OPA1: variants seen among roughly 807,000 people sequenced by gnomAD.
OPA1 encodes OPA1 mitochondrial dynamin like GTPase.
In OPA1, 59 loss-of-function variants were observed where a neutral mutation model predicts 152.9. The ratio of observed to expected loss-of-function variants is 0.39; its 90% CI spans 0.31 to 0.48. The LOEUF (loss-of-function observed/expected upper bound fraction) is 0.48, where lower values mean the gene tolerates loss of function less well. OPA1 is among the 20% of genes least tolerant of loss of function. The probability of loss-of-function intolerance (pLI) is 0.96; values close to 1 mark genes in which losing one functional copy is unlikely to be tolerated. For synonymous variants in OPA1, 400 were observed against 389.9 expected, an observed-to-expected ratio of 1.03 and a Z score of -0.31; for missense variants, 1,008 against 1,216.8, an observed-to-expected ratio of 0.83 and a Z score of 2.55.
Position 193,626,110 on chromosome 3 carries a change from A to G in OPA1, c.697A>G (p.Ile233Val). ...GTGGCAGGGTCTGCTTGGTGAGCTC[A>G]TTCTCTTACAACAACAAATTCAAGA... Reference protein sequence around the residue: ...HFRKGLLGELILLQQQIQEHE... With the variant: ...HFRKGLLGELVLLQQQIQEHE... Residue 233 changes from isoleucine to valine, a missense_variant, in exon 7 of 31, where the codon ATT (isoleucine) becomes GTT (valine). Ile to Val is a conservative substitution (Grantham distance 29). Transcript: ENST00000361510. The G allele has an allele frequency of 6.2e-7, 1 of 1,613,958 alleles. No individual in the cohort carries two copies. Among genetic ancestry groups the G allele is most frequent in the Non-Finnish European group, 8.5e-7 (1 of 1,179,902 alleles).
chr3:193,621,181 G>C (rs942557586), intron 6 of OPA1, among the ~76,000 whole-genome samples: 2 of 152,184 alleles, frequency 1.3e-5, no homozygotes, highest in Non-Finnish European at 2.9e-5. Context: ...TTTTAAAAAA[G>C]TAATAATAAT....
chr3:193,666,424 ATT>A, intron 28 of OPA1, 35 bp downstream of exon 28: 1 of 1,459,916 alleles, frequency 6.8e-7, no homozygotes. Flanking sequence ...TTATTTTGAC[ATT>A]AAAAAATAAT....
chr3:193,610,608 T>G lies in OPA1; in HGVS notation c.33-4115T>G, dbSNP rs533915277. Among the ~76,000 whole-genome samples, 17 of 152,354 alleles carry G rather than the reference T, an allele frequency of 1.1e-4. No individual in the cohort carries two copies. The East Asian group carries it at 3.3e-3, about 29-fold the overall frequency. On this transcript the variant is annotated intron_variant, in intron 1 of 30. Coordinates refer to ENST00000361510, the MANE Select transcript of OPA1 (RefSeq NM_130837.3). The stretch of plus-strand genomic sequence containing the variant: ...GTCTGCAGAGGTTTCTGCTGCCTTT[T>G]GTTCGGCTATGCCCTGCCTGCAGAG...
At chr3:193,638,092 G>C in intron 11 of OPA1, 27 bp downstream of exon 11, 1 of 1,535,550 alleles carries the variant, frequency 6.5e-7, no homozygotes, top group South Asian at 1.1e-5. Flanking sequence ...TCTCAGTGAG[G>C]TTCCTTAGGA....
chr3:193,610,212 T>C (rs957810745), intron 1 of OPA1, among the ~76,000 whole-genome samples: 2 of 152,342 alleles, frequency 1.3e-5, no homozygotes, highest in South Asian at 4.1e-4. Flanking sequence ...AGATGGGTTT[T>C]TGGTGTGGAT....
intron 1 of OPA1, among the ~76,000 whole-genome samples, chr3:193,607,300 G>A (rs1323839034): frequency 6.6e-6 from 1 of 152,174 alleles, no homozygotes; most frequent in Non-Finnish European, 1.5e-5. Context: ...TTTGGCTTTT[G>A]TTGCCATTGC....
At chr3:193,619,282 T>G (rs1729611358) in intron 6 of OPA1, among the ~76,000 whole-genome samples, 1 of 152,206 alleles carries the variant, frequency 6.6e-6, no homozygotes, top group South Asian at 2.1e-4. Context: ...TGTAATATAC[T>G]CATGCGCATT....
chr3:193,648,700 A>T, intron 20 of OPA1, 95 bp from the exon 21 acceptor site: 1 of 848,836 alleles, frequency 1.2e-6, no homozygotes, highest in Non-Finnish European at 2.0e-6. Flanking sequence ...AATTCAGCCT[A>T]GTCAAAAACC....
At chr3:193,678,325 T>TA (rs1284201242) in intron 29 of OPA1, among the ~76,000 whole-genome samples, 2 of 152,062 alleles carry the variant, frequency 1.3e-5, no homozygotes, top group Non-Finnish European at 2.9e-5. Context: ...TTTTTTTTTT[T>TA]AACATCCTTT....
chr3:193,691,861 T>C (rs1247589426), intron 29 of OPA1: 7 of 500,808 alleles, frequency 1.4e-5, no homozygotes, highest in Non-Finnish European at 2.6e-5. Flanking sequence ...TCAGTCAGTC[T>C]CTCCTCCCAC....
intron 4 of OPA1, 111 bp from the exon 5 acceptor site, chr3:193,617,673 T>C (rs1729272411): frequency 2.5e-6 from 2 of 795,624 alleles, no homozygotes; most frequent in Non-Finnish European, 4.4e-6. Flanking sequence ...CTGGCATATT[T>C]GCCCAATTAT....
At chr3:193,644,183 A>G (rs1734192926) in intron 16 of OPA1, 78 bp downstream of exon 16, 1 of 1,470,036 alleles carries the variant, frequency 6.8e-7, no homozygotes, top group African/African-American at 1.4e-5. Context: ...TATTTAAAAA[A>G]ACAACAACAA....
intron 21 of OPA1, among the ~76,000 whole-genome samples, chr3:193,651,614 T>C (rs1204609174): frequency 6.6e-6 from 1 of 152,216 alleles, no homozygotes; most frequent in Non-Finnish European, 1.5e-5. Flanking sequence ...ATTTGGTTTA[T>C]ATAGAGCAGA....
intron 29 of OPA1, among the ~76,000 whole-genome samples, chr3:193,675,939 T>A (rs1718900993): frequency 6.6e-6 from 1 of 152,236 alleles, no homozygotes; most frequent in Non-Finnish European, 1.5e-5. Flanking sequence ...TTTCTTCTAC[T>A]CTGTCTTGCC....
intron 10 of OPA1, 56 bp downstream of exon 10, chr3:193,637,337 C>A: frequency 9.0e-7 from 1 of 1,105,818 alleles, no homozygotes; most frequent in Non-Finnish European, 1.4e-6. Context: ...AGCAGCTTAG[C>A]TTCCTAAAAA....
intron 26 of OPA1, among the ~76,000 whole-genome samples, chr3:193,664,349 A>G (rs9831353): frequency 0.47 from 70,856 of 151,796 alleles, 16,988 homozygotes; most frequent in African/African-American, 0.54. Flanking sequence ...TAACATTATT[A>G]TTGTTTTGCT....
intron 24 of OPA1, 101 bp from the exon 25 acceptor site, chr3:193,659,381 A>C (rs1235931418): frequency 1.4e-5 from 14 of 1,014,064 alleles, no homozygotes; most frequent in Non-Finnish European, 7.6e-6. Context: ...CTTCATATTG[A>C]TATAGCACTT....
chr3:193,668,946 T>C, intron 29 of OPA1: 1 of 837,988 alleles, frequency 1.2e-6, no homozygotes, highest in Non-Finnish European at 1.4e-6. Flanking sequence ...TGTTTGAGCC[T>C]GCCTTGTTAC....
intron 23 of OPA1, 75 bp from the exon 24 acceptor site, chr3:193,658,812 C>T (rs1294326497): frequency 3.1e-6 from 3 of 965,896 alleles, no homozygotes; most frequent in Non-Finnish European, 5.1e-6. Context: ...ATTTACTAAG[C>T]TGTCAATTTG....
Sources: allele counts gnomAD v4.1 joint callset (sites outside exome capture counted in the v4.1 genomes callset), GRCh38; gene constraint gnomAD v4.1.1; transcripts MANE v1.5; gene names NCBI Gene and HGNC (gene_info 2026-07-23, HGNC 2026-07-21).